Variants in SHTN1 observed in about 807,000 individuals in gnomAD.
The protein encoded by SHTN1 is shootin 1.
Under a neutral mutation model 83.1 loss-of-function variants are expected in SHTN1, and 42 were observed. The ratio of observed to expected loss-of-function variants is 0.51; its 90% confidence interval spans 0.39 to 0.65. The LOEUF (loss-of-function observed/expected upper bound fraction) is 0.65, where lower values mean the gene tolerates loss of function less well. SHTN1 is among the 30% of genes least tolerant of loss of function. The pLI is 0.00. For missense variants in SHTN1, 622 were observed against 737.8 expected (o/e 0.84, Z 1.82); for synonymous variants, 224 against 247.7 (o/e 0.90, Z 0.90).
At chr10:116,955,100 CAAAAAAAAAA>C (rs59777387) in intron 4 of SHTN1, among the ~76,000 whole-genome samples, 15 of 87,778 alleles carry the variant, frequency 1.7e-4, no homozygotes, top group South Asian at 4.2e-4. Flanking sequence ...TACTTCACAG[CAAAAAAAAAA>C]AAAAAAAAAA....
chr10:117,031,039 A>C (rs992399577), intron 2 of SHTN1, among the ~76,000 whole-genome samples: 17 of 152,172 alleles, frequency 1.1e-4, no homozygotes, highest in Admixed American at 5.2e-4. Flanking sequence ...TTTAACCTAA[A>C]GAAGACTACC....
At chr10:117,007,616 TG>T (rs373794401), upstream of SHTN1, among the ~76,000 whole-genome samples, 1 of 142,552 alleles carries the variant, frequency 7.0e-6, no homozygotes, top group East Asian at 2.1e-4. Flanking sequence ...CTTGAGGACA[TG>T]GTATGAATTA....
chr10:117,038,037 G>C (rs1345593678), intron 2 of SHTN1, among the ~76,000 whole-genome samples: 1 of 146,502 alleles, frequency 6.8e-6, no homozygotes, highest in Non-Finnish European at 1.5e-5. Flanking sequence ...GAACCAGAAA[G>C]GATAGCCTGG....
At chr10:117,058,099 T>G (rs1852851050) in intron 1 of SHTN1, among the ~76,000 whole-genome samples, 1 of 152,004 alleles carries the variant, frequency 6.6e-6, no homozygotes, top group East Asian at 1.9e-4. Context: ...CAGAGCAAAA[T>G]CTTCATGACA....
At chr10:117,002,269 T>G (rs1851847243) in intron 1 of SHTN1, among the ~76,000 whole-genome samples, 2 of 152,248 alleles carry the variant, frequency 1.3e-5, no homozygotes, top group Admixed American at 1.3e-4. Context: ...GAATAGTACC[T>G]GTCTTCTCTT....
Position 116,954,093 on chromosome 10 carries a change from C to G in SHTN1, c.385G>C (p.Asp129His). Reference protein sequence around the residue: ...IDDEDSTTDTDGAAETCVSVQ... With the variant: ...IDDEDSTTDTHGAAETCVSVQ... ...GAGACACAAGTCTCGGCGGCACCGT[C>G]TGTGTCTGTAGTCGAATCTTCATCA... Residue 129 changes from aspartate (D) to histidine (H), a missense_variant, in exon 5 of 17, where the codon GAC (aspartate) becomes CAC (histidine). Physicochemically the swap from Asp to His is moderately conservative, Grantham distance 81. Coordinates refer to ENST00000355371, the MANE Select transcript of SHTN1 (RefSeq NM_001127211.3). 6.2e-7 allele frequency: 1 copy of G among 1,614,016 alleles called. No individual in the cohort carries two copies. Among genetic ancestry groups the G allele is most frequent in the African/African-American group, 1.3e-5 (1 of 75,064 alleles).
intron 2 of SHTN1, among the ~76,000 whole-genome samples, chr10:117,012,576 A>C (rs1398659365): frequency 2.0e-5 from 3 of 152,204 alleles, no homozygotes; most frequent in Admixed American, 6.5e-5. Context: ...GAGCCGCAAC[A>C]CATGCCTCAT....
intron 2 of SHTN1, among the ~76,000 whole-genome samples, chr10:117,035,132 CAAAT>C (rs1852476020): frequency 6.6e-6 from 1 of 152,088 alleles, no homozygotes; most frequent in African/African-American, 2.4e-5. Flanking sequence ...ACAACAACAA[CAAAT>C]AAATAGACCA....
intron 1 of SHTN1, among the ~76,000 whole-genome samples, chr10:117,083,770 C>T (rs1853307459): frequency 6.6e-6 from 1 of 152,088 alleles, no homozygotes; most frequent in African/African-American, 2.4e-5. Flanking sequence ...TTCCTTCTCG[C>T]TTCATTTCAT....
chr10:116,955,356 C>A (rs183929983), intron 4 of SHTN1, among the ~76,000 whole-genome samples: 1 of 152,138 alleles, frequency 6.6e-6, no homozygotes, highest in African/African-American at 2.4e-5. Context: ...CCTTAATTTG[C>A]GCACATCAAA....
intron 1 of SHTN1, among the ~76,000 whole-genome samples, chr10:117,082,633 G>T (rs979924148): frequency 8.6e-5 from 13 of 151,470 alleles, no homozygotes; most frequent in Admixed American, 8.6e-4. Flanking sequence ...GTTGACAGTG[G>T]GGTGTTAAAG....
At chr10:117,106,424 T>C (rs1245317836) in intron 1 of SHTN1, among the ~76,000 whole-genome samples, 4 of 151,142 alleles carry the variant, frequency 2.6e-5, no homozygotes, top group East Asian at 2.0e-4. Context: ...CACTGCACTC[T>C]AGCCTGGGCG....
intron 1 of SHTN1, among the ~76,000 whole-genome samples, chr10:117,057,662 G>A (rs879480631): frequency 1.3e-5 from 2 of 152,264 alleles, no homozygotes; most frequent in African/African-American, 2.4e-5. Context: ...CATGCTCAAG[G>A]GAAGGCACAG....
Position 116,881,489 on chromosome 10 carries a change from G to A in SHTN1, c.*4855C>T. The stretch of plus-strand genomic sequence containing the variant: ...AAAACTGGCACCATTGGATTAGACA[G>A]TAAACTTTATTGTTACTTTAAATAG... On this transcript the variant is annotated 3_prime_UTR_variant, in exon 17 of 17. Transcript: ENST00000355371. The A allele has an allele frequency of 6.6e-7, 1 of 1,510,846 alleles. No homozygotes were observed. Among genetic ancestry groups the A allele is most frequent in the African/African-American group, 1.4e-5 (1 of 71,618 alleles). The allele number at this position is 1,510,846 out of a possible 1,614,324, so 93.6% of individuals were successfully genotyped here. A position where few individuals can be genotyped will look rare whatever the true frequency, so the allele number is the denominator to read the frequency against.
intron 12 of SHTN1, among the ~76,000 whole-genome samples, chr10:116,920,234 C>T (rs1172336712): frequency 2.6e-5 from 4 of 151,962 alleles, no homozygotes; most frequent in Non-Finnish European, 5.9e-5. Context: ...AGAATCTGCA[C>T]GGAGGCTATG....
chr10:116,904,579 T>TA (rs1564868440), intron 15 of SHTN1, among the ~76,000 whole-genome samples: 10 of 152,196 alleles, frequency 6.6e-5, no homozygotes, highest in Admixed American at 3.3e-4. Context: ...ACGATTCTAC[T>TA]GAAAATGTAT....
chr10:117,121,196 A>G (rs1853919629), intron 1 of SHTN1, among the ~76,000 whole-genome samples: 1 of 152,212 alleles, frequency 6.6e-6, no homozygotes, highest in Admixed American at 6.5e-5. Flanking sequence ...TTTAAAAAAG[A>G]TATTATGAAG....
chr10:117,064,815 T>C (rs1852952216), intron 1 of SHTN1, among the ~76,000 whole-genome samples: 1 of 152,208 alleles, frequency 6.6e-6, no homozygotes, highest in Non-Finnish European at 1.5e-5. Flanking sequence ...GTCTGTTCTT[T>C]GGGATAATTC....
chr10:116,949,114 G>A, intron 6 of SHTN1, 117 bp from the exon 7 acceptor site: 1 of 1,192,080 alleles, frequency 8.4e-7, no homozygotes. Context: ...ATTTAAAGCA[G>A]AAATTGGTTT....
Sources: gnomAD v4.1 joint callset for allele counts (sites outside exome capture counted in the v4.1 genomes callset) on GRCh38, gnomAD v4.1.1 for gene constraint, MANE v1.5 for transcripts, NCBI Gene and HGNC (gene_info 2026-07-23, HGNC 2026-07-21) for gene names.